SCRG1: variants seen among roughly 807,000 people sequenced by gnomAD.
SCRG1 encodes stimulator of chondrogenesis 1.
A neutral mutation model predicts 7.7 loss-of-function variants in SCRG1; 3 were observed. That is an observed-to-expected ratio of 0.39 (90% CI 0.18 to 1.01). SCRG1 has a LOEUF of 1.01. Ranked by LOEUF, SCRG1 falls within the 50% of genes least tolerant of loss-of-function variation. SCRG1 has a pLI of 0.36. For synonymous variants in SCRG1, 46 were observed against 41.2 expected (o/e 1.12, Z -0.44); for missense variants, 110 against 117.2 (o/e 0.94, Z 0.28).
chr4:173,454,201 A>G, the SCRG1 span, among the ~76,000 whole-genome samples: 1 of 152,278 alleles, frequency 6.6e-6, no homozygotes, highest in African/African-American at 2.4e-5. Context: ...AGTAGGTGTG[A>G]AGACAGGCAA....
the SCRG1 span, among the ~76,000 whole-genome samples, chr4:173,510,405 T>A: frequency 5.5e-5 from 8 of 145,580 alleles, no homozygotes. This position sits in a 1 kb window ranked among gnomAD's most constrained non-coding sequence, Gnocchi z 5.7. Context: ...TCAACCCCAC[T>A]AGGACCCAGG....
At chr4:173,445,669 A>ATTT in the SCRG1 span, among the ~76,000 whole-genome samples, 1 of 140,752 alleles carries the variant, frequency 7.1e-6, no homozygotes, top group Non-Finnish European at 1.5e-5. Flanking sequence ...CTTTAAGGAT[A>ATTT]TTTTTTTTTT....
At chr4:173,483,749 A>AT in the SCRG1 span, among the ~76,000 whole-genome samples, 111 of 18,898 alleles carry the variant, frequency 5.9e-3, 39 homozygotes, top group African/African-American at 0.019. Flanking sequence ...GATATATTAT[A>AT]TGTGATATAT....
At chr4:173,443,985 GTGTT>G in the SCRG1 span, among the ~76,000 whole-genome samples, 7 of 133,594 alleles carry the variant, frequency 5.2e-5, no homozygotes, top group African/African-American at 1.6e-4. Context: ...GTGTGTGTGT[GTGTT>G]TGAGATGGAG....
intron 1 of SCRG1, among the ~76,000 whole-genome samples, chr4:173,394,967 A>C (rs1301180303): frequency 6.6e-6 from 1 of 152,160 alleles, no homozygotes; most frequent in Non-Finnish European, 1.5e-5. Context: ...TTTAACAATA[A>C]AGATGTATAG....
chr4:173,515,657 G>A, the SCRG1 span, among the ~76,000 whole-genome samples: 6 of 152,084 alleles, frequency 3.9e-5, no homozygotes, highest in Non-Finnish European at 8.8e-5. The surrounding 1 kb of genome is among the most constrained non-coding windows in gnomAD (Gnocchi z 4.6). Context: ...GTGCGGGGAG[G>A]TGGTGGGGCT....
At chr4:173,412,336 T>A in the SCRG1 span, among the ~76,000 whole-genome samples, 1 of 152,232 alleles carries the variant, frequency 6.6e-6, no homozygotes. Flanking sequence ...CAAGGCCATC[T>A]CTCACATTTA....
chr4:173,449,814 G>T, the SCRG1 span, among the ~76,000 whole-genome samples: 1 of 152,166 alleles, frequency 6.6e-6, no homozygotes, highest in Non-Finnish European at 1.5e-5. Context: ...CATCTTAGGT[G>T]CTGAGATAAT....
At chr4:173,436,637 T>C in the SCRG1 span, among the ~76,000 whole-genome samples, 1 of 152,186 alleles carries the variant, frequency 6.6e-6, no homozygotes, top group Non-Finnish European at 1.5e-5. Flanking sequence ...TAAACATATA[T>C]ACTGCCCATT....
the SCRG1 span, among the ~76,000 whole-genome samples, chr4:173,466,569 A>C: frequency 1.3e-5 from 2 of 152,198 alleles, no homozygotes; most frequent in African/African-American, 4.8e-5. Context: ...GTTTGGTACA[A>C]GATAACCACT....
chr4:173,419,725 A>G, the SCRG1 span: 2 of 1,056,298 alleles, frequency 1.9e-6, no homozygotes, highest in East Asian at 4.8e-5. Context: ...TAGTTCTGGC[A>G]AGGTCTGCGA....
At position 173,387,088 on chromosome 4, in the gene SCRG1, C is replaced by G. The variant is rs1739267600; in HGVS notation, c.*1253G>C. On this transcript the variant is annotated 3_prime_UTR_variant, in exon 3 of 3. Coordinates refer to ENST00000296506, the MANE Select transcript of SCRG1 (RefSeq NM_007281.4). ...AAAATGTATGATACTTTTAAATTCT[C>G]ATCCATTATGTTTCTTTTAATGTGT... 6.6e-6 allele frequency: 1 copy of G among 152,148 alleles called. No individual in the cohort carries two copies. Among genetic ancestry groups the G allele is most frequent in the Non-Finnish European group, 1.5e-5 (1 of 68,034 alleles). The allele number at this position is 152,148 out of a possible 1,614,324, so 9.4% of individuals were successfully genotyped here. A position where few individuals can be genotyped will look rare whatever the true frequency, so the allele number is the denominator to read the frequency against.
chr4:173,396,836 C>T (rs980116223), intron 1 of SCRG1, among the ~76,000 whole-genome samples: 5 of 151,564 alleles, frequency 3.3e-5, no homozygotes, highest in Non-Finnish European at 5.9e-5. Flanking sequence ...GGGCAGATCA[C>T]GAGGTCAAGA....
chr4:173,499,128 A>G, the SCRG1 span, among the ~76,000 whole-genome samples: 1 of 152,196 alleles, frequency 6.6e-6, no homozygotes, highest in Non-Finnish European at 1.5e-5. The surrounding 1 kb of genome is among the most constrained non-coding windows in gnomAD (Gnocchi z 4.1). Context: ...TAGCTGAAGG[A>G]TAACATCCTC....
chr4:173,474,916 T>C, the SCRG1 span, among the ~76,000 whole-genome samples: 1 of 135,924 alleles, frequency 7.4e-6, no homozygotes, highest in African/African-American at 2.9e-5. Flanking sequence ...TGAGTTAATA[T>C]TTTGAAATCT....
the SCRG1 span, among the ~76,000 whole-genome samples, chr4:173,454,307 G>A: frequency 1.6e-4 from 24 of 152,076 alleles, no homozygotes; most frequent in Non-Finnish European, 3.2e-4. Context: ...AAGGCCTGGA[G>A]AAACTTTCCC....
At chr4:173,485,057 AT>A in the SCRG1 span, among the ~76,000 whole-genome samples, 151 of 8,742 alleles carry the variant, frequency 0.017, 8 homozygotes, top group Non-Finnish European at 0.032. Context: ...ATAATATATT[AT>A]ATATTATATA....
chr4:173,477,054 A>T, the SCRG1 span, among the ~76,000 whole-genome samples: 1 of 152,132 alleles, frequency 6.6e-6, no homozygotes, highest in African/African-American at 2.4e-5. Context: ...ATATTTGAAA[A>T]TTTGTTGTTG....
the SCRG1 span, among the ~76,000 whole-genome samples, chr4:173,417,638 C>G: frequency 4.3e-5 from 6 of 140,838 alleles, no homozygotes; most frequent in Non-Finnish European, 4.7e-5. Flanking sequence ...TTCATTCCTT[C>G]TTTTTTTTCA....
Sources: allele counts gnomAD v4.1 joint callset (sites outside exome capture counted in the v4.1 genomes callset), GRCh38; gene constraint gnomAD v4.1.1; non-coding constraint Gnocchi (gnomAD v3.1); transcripts MANE v1.5; gene names NCBI Gene and HGNC (gene_info 2026-07-23, HGNC 2026-07-21).